Variants in CPHXL observed in about 807,000 individuals in gnomAD.
The protein encoded by CPHXL is cytoplasmic polyadenylated homeobox-like protein.
rs148434067 is a variant in CPHXL at position 75,723,973 on chromosome 16, A to G, written c.25+2445T>C. On this transcript the variant is annotated intron_variant, in intron 1 of 2. Coordinates refer to ENST00000640559, the MANE Select transcript of CPHXL (RefSeq NM_001355613.1). The stretch of plus-strand genomic sequence containing the variant: ...AGAGCCCTCAGAAATAATGCCACAT[A>G]TCTACAACCATCTGATCTTTGACAA... Among the ~76,000 whole-genome samples the G allele has an allele frequency of 7.2e-5, 11 of 152,360 alleles. No individual in the cohort carries two copies. The East Asian group carries it at 1.9e-3, about 27-fold the overall frequency.
At position 75,718,359 on chromosome 16, in the gene CPHXL, T is replaced by A. The variant is rs149587973; in HGVS notation, c.125A>T (p.Glu42Val). The change falls in exon 2 of 3, where the codon GAA becomes GTA. Residue 42 changes from glutamate (E) to valine (V), a missense_variant. Coordinates refer to ENST00000640559, the MANE Select transcript of CPHXL (RefSeq NM_001355613.1). ...GTTCTCTCCAAATATTTCCTTAAGT[T>A]CCTGCAGTAATTCTTCAGAAAATTT... ...RHKFSEELLQ[E>V]LKEIFGENCY... The A allele has an allele frequency of 2.6e-4, 102 of 398,840 alleles. No individual in the cohort carries two copies. The East Asian group carries it at 3.0e-3, about 12-fold the overall frequency. 24.7% of individuals were successfully genotyped at this position (398,840 alleles called of 1,614,324 possible).
chr16:75,715,897 T>C (rs565744045), intron 2 of CPHXL, among the ~76,000 whole-genome samples: 64 of 151,988 alleles, frequency 4.2e-4, no homozygotes, highest in African/African-American at 1.5e-3. Context: ...GGGGTTTCGC[T>C]ATGTTGGCCA....
chr16:75,718,168 T>C (rs983052421), intron 2 of CPHXL, 97 bp downstream of exon 2: 1 of 394,730 alleles, frequency 2.5e-6, no homozygotes, highest in Non-Finnish European at 4.5e-6. Context: ...CAGTGAGCCG[T>C]GATCATGCCA....
chr16:75,714,205 C>CCCT lies in CPHXL; in HGVS notation c.*16_*18dup. The CCCT allele has an allele frequency of 2.5e-6, 1 of 398,678 alleles. No individual in the cohort carries two copies. The highest frequency in any genetic ancestry group is 4.4e-6 in the Non-Finnish European group (1 of 226,132). 24.7% of individuals were successfully genotyped at this position (398,678 alleles called of 1,614,324 possible). ...TGCATCCTTGGTTCCCTGCTGCAGA[C>CCCT]CCTTGTCCACTCTTCAACTTAAAGT... is the stretch of plus-strand genomic sequence containing the variant. On this transcript the variant is annotated 3_prime_UTR_variant, in exon 3 of 3. Coordinates refer to ENST00000640559, the MANE Select transcript of CPHXL (RefSeq NM_001355613.1).
intron 2 of CPHXL, 25 bp downstream of exon 2, chr16:75,718,240 T>C (rs1959421883): frequency 2.5e-6 from 1 of 398,090 alleles, no homozygotes; most frequent in Non-Finnish European, 4.4e-6. Context: ...ATCTAGGAAA[T>C]ATACATATGA....
rs1031568648 is a variant in CPHXL, at chr16:75,714,894, C to G, written c.548G>C (p.Ser183Thr). 2.5e-6 allele frequency: 1 copy of G among 398,558 alleles called. No homozygotes were observed. 24.7% of individuals were successfully genotyped at this position (398,558 alleles called of 1,614,324 possible). A position where few individuals can be genotyped will look rare whatever the true frequency, so the allele number is the denominator to read the frequency against. ...GGAGCACTGGGAACCCACCTGTTGA[C>G]TGGGAATCCCTGGTTTCTCCAGATA... ...CSYLEKPGIPSQQVGSQCSYL... is the reference protein window; with the variant it reads ...CSYLEKPGIPTQQVGSQCSYL... Residue 183 changes from serine (S) to threonine (T), a missense_variant, in exon 3 of 3, where the codon AGT becomes ACT. By Grantham distance (58) the Ser-to-Thr change is moderately conservative. Transcript: ENST00000640559.
intron 1 of CPHXL, 41 bp from the exon 2 acceptor site, chr16:75,718,499 T>A (rs146099940): frequency 3.5e-5 from 14 of 398,330 alleles, no homozygotes; most frequent in African/African-American, 2.9e-4. Context: ...TTAGAGAATA[T>A]TGGTAATAAC....
rs1328917501 is a variant in CPHXL, at chr16:75,726,468, C to G, written c.-26G>C. ...CTTGGGGTAGAAGACCTGGACTTCA[C>G]GGAGACCAGCAAGCAACTGAGATCA... On this transcript the variant is annotated 5_prime_UTR_variant, in exon 1 of 3. Coordinates refer to ENST00000640559, the MANE Select transcript of CPHXL (RefSeq NM_001355613.1). 3 of 398,464 alleles carry G rather than the reference C, an allele frequency of 7.5e-6. No individual in the cohort carries two copies. Among genetic ancestry groups the G allele is most frequent in the African/African-American group, 2.1e-5 (1 of 48,628 alleles). 24.7% of individuals were successfully genotyped at this position (398,464 alleles called of 1,614,324 possible). A position where few individuals can be genotyped will look rare whatever the true frequency, so the allele number is the denominator to read the frequency against.
At position 75,722,629 on chromosome 16, in the gene CPHXL, A is replaced by G. The variant is rs568479669; in HGVS notation, c.25+3789T>C. Among the ~76,000 whole-genome samples the G allele has an allele frequency of 1.7e-4, 26 of 152,224 alleles. No homozygotes were observed. The South Asian group carries it at 4.6e-3, about 27-fold the overall frequency. ...GCAATAATAGCTTACCAACCAAAAA[A>G]AGTCCAGGACCAGACGGATTCACAG... On this transcript the variant is annotated intron_variant, in intron 1 of 2. Coordinates refer to ENST00000640559, the MANE Select transcript of CPHXL (RefSeq NM_001355613.1).
intron 1 of CPHXL, among the ~76,000 whole-genome samples, chr16:75,724,050 C>G (rs1003196670): frequency 6.6e-6 from 1 of 152,204 alleles, no homozygotes. Flanking sequence ...ATAAATGGTG[C>G]TGGGAAAGTT....
In CPHXL at chr16:75,718,267, C is replaced by G. The variant is rs569581609; in HGVS notation, c.217G>C (p.Asp73His). The G allele has an allele frequency of 2.5e-6, 1 of 398,726 alleles. No homozygotes were observed. Among genetic ancestry groups the G allele is most frequent in the African/African-American group, 2.1e-5 (1 of 48,734 alleles). The allele number at this position is 398,726 out of a possible 1,614,324, so 24.7% of individuals were successfully genotyped here. A position where few individuals can be genotyped will look rare whatever the true frequency, so the allele number is the denominator to read the frequency against. ...TACATATGAGGTCTTGAACTTACAT[C>G]TATCACATTTACCGGACAATCAAAT... ...IKFDCPVNVI[D>H]NWFQNKRARL... is the part of the protein sequence containing the mutation. The change falls in exon 2 of 3, where the codon GAT becomes CAT. Residue 73 changes from aspartate (D) to histidine (H), a missense_variant and splice_region_variant. Transcript: ENST00000640559.
At chr16:75,718,854 T>C (rs1959432384) in intron 1 of CPHXL, among the ~76,000 whole-genome samples, 1 of 152,308 alleles carries the variant, frequency 6.6e-6, no homozygotes, top group African/African-American at 2.4e-5. Context: ...TAGAACTAAT[T>C]GCAGAAGAAT....
Position 75,725,809 on chromosome 16 carries a change from C to T in CPHXL, c.25+609G>A, listed in dbSNP as rs533230212. ...AGGCAACCTTGCTATGTTGCCTGGG[C>T]TGGTTTCAAACTCCTGGGTTCAATT... On this transcript the variant is annotated intron_variant, in intron 1 of 2. Transcript: ENST00000640559. Among the ~76,000 whole-genome samples, 130 of 116,778 alleles carry T rather than the reference C, an allele frequency of 1.1e-3. 1 individual carries two copies. Among genetic ancestry groups the T allele is most frequent in the African/African-American group, 4.2e-3 (126 of 30,260 alleles). 76.6% of individuals were successfully genotyped at this position (116,778 alleles called of 152,430 possible).
At chr16:75,722,880 C>T (rs1959498420) in intron 1 of CPHXL, among the ~76,000 whole-genome samples, 1 of 152,164 alleles carries the variant, frequency 6.6e-6, no homozygotes, top group East Asian at 1.9e-4. Flanking sequence ...AATCCAGCAG[C>T]ACATGAAAAA....
At position 75,714,666 on chromosome 16, in the gene CPHXL, ACAG is replaced by A. The variant is rs1486917213; in HGVS notation, c.773_775del (p.Ser258_Val259delinsLeu). The A allele has an allele frequency of 5.0e-6, 2 of 398,506 alleles. No homozygotes were observed. The highest frequency in any genetic ancestry group is 8.8e-6 in the Non-Finnish European group (2 of 226,084). 24.7% of individuals were successfully genotyped at this position (398,506 alleles called of 1,614,324 possible). On this transcript the variant is annotated inframe_deletion, in exon 3 of 3. Transcript: ENST00000640559. ...AGTCCTTTCTCCATGAAAATATGGC[ACAG>A]AAGATGGGGGAGGATGAAGGCATTC...
rs1480730080 is a variant in CPHXL, at chr16:75,714,872, G to A, written c.570C>T (p.Cys190=). ...GAATCCCTAGTTTCTCCAGATAGGA[G>A]CACTGGGAACCCACCTGTTGACTGG... The part of the protein sequence containing the change: ...GIPSQQVGSQ[C]SYLEKLGIPS... The change falls in exon 3 of 3, where the codon TGC becomes TGT. Residue 190 remains cysteine, a synonymous_variant. Coordinates refer to ENST00000640559, the MANE Select transcript of CPHXL (RefSeq NM_001355613.1). 2.5e-6 allele frequency: 1 copy of A among 398,560 alleles called. No homozygotes were observed. Among genetic ancestry groups the A allele is most frequent in the Admixed American group, 4.4e-5 (1 of 22,724 alleles). The allele number at this position is 398,560 out of a possible 1,614,324, so 24.7% of individuals were successfully genotyped here.
At chr16:75,720,992 C>T (rs1369063980) in intron 1 of CPHXL, among the ~76,000 whole-genome samples, 2 of 152,100 alleles carry the variant, frequency 1.3e-5, no homozygotes, top group African/African-American at 2.4e-5. Flanking sequence ...ATTTCATATC[C>T]AGCCAAACTA....
intron 1 of CPHXL, among the ~76,000 whole-genome samples, chr16:75,722,977 T>C (rs575185994): frequency 3.3e-5 from 5 of 152,262 alleles, no homozygotes; most frequent in Admixed American, 6.5e-5. Flanking sequence ...ATCCAGCATA[T>C]AAACAGAACC....
chr16:75,717,870 T>A (rs1410754431), intron 2 of CPHXL, among the ~76,000 whole-genome samples: 2 of 152,236 alleles, frequency 1.3e-5, no homozygotes, highest in Non-Finnish European at 2.9e-5. Context: ...CTTCGAATTC[T>A]GTACCTTCCT....
Sources: allele counts gnomAD v4.1 joint callset (sites outside exome capture counted in the v4.1 genomes callset), GRCh38; gene constraint gnomAD v4.1.1; transcripts MANE v1.5; gene names NCBI Gene and HGNC (gene_info 2026-07-23, HGNC 2026-07-21).